The following ERBB4 variants were observed in gnomAD, a reference collection of about 807,000 sequenced individuals.
ERBB4 encodes the protein receptor tyrosine-protein kinase erbB-4.
Under a neutral mutation model 158.0 loss-of-function variants are expected in ERBB4, and 42 were observed. The ratio of observed to expected loss-of-function variants is 0.27; its 90% CI spans 0.21 to 0.34. The LOEUF is 0.34. ERBB4 is among the 10% of genes least tolerant of loss of function. ERBB4 has a pLI of 1.00. For missense variants in ERBB4, 1,333 were observed against 1,624.1 expected (o/e 0.82, Z 3.08); for synonymous variants, 583 against 558.7 (o/e 1.04, Z -0.61).
chr2:212,000,385 T>C (rs1244724925), intron 2 of ERBB4, among the ~76,000 whole-genome samples: 1 of 151,880 alleles, frequency 6.6e-6, no homozygotes, highest in Non-Finnish European at 1.5e-5. Flanking sequence ...TTTGCAATAT[T>C]AATTGGATGC....
At chr2:212,286,340 C>T (rs533612849) in intron 1 of ERBB4, among the ~76,000 whole-genome samples, 3 of 152,108 alleles carry the variant, frequency 2.0e-5, no homozygotes, top group East Asian at 1.9e-4. Context: ...GTATATTGAA[C>T]GAATTTGAAA....
At position 211,380,001 on chromosome 2, in the gene ERBB4, C is replaced by T. The variant is rs2062547922; in HGVS notation, c.*3614G>A. On this transcript the variant is annotated 3_prime_UTR_variant, in exon 28 of 28. Transcript: ENST00000342788. ...GCACAATCTTCATGCCATGTCTTTC[C>T]TTTAGAAGGTATTAGCTCACACACT... 8.7e-6 allele frequency: 2 copies of T among 230,014 alleles called. No individual in the cohort carries two copies. Among genetic ancestry groups the T allele is most frequent in the East Asian group, 1.2e-4 (2 of 16,272 alleles). 14.2% of individuals were successfully genotyped at this position (230,014 alleles called of 1,614,324 possible).
At chr2:212,443,198 C>T (rs905010884) in intron 1 of ERBB4, among the ~76,000 whole-genome samples, 7 of 152,196 alleles carry the variant, frequency 4.6e-5, no homozygotes, top group Non-Finnish European at 1.0e-4. Context: ...TCAATTCTCC[C>T]GCTTTGTGTC....
At chr2:211,454,380 C>T (rs1351524781) in intron 20 of ERBB4, among the ~76,000 whole-genome samples, 1 of 152,126 alleles carries the variant, frequency 6.6e-6, no homozygotes, top group Non-Finnish European at 1.5e-5. Context: ...TAAGACATCA[C>T]AAAATTGAAA....
intron 2 of ERBB4, among the ~76,000 whole-genome samples, chr2:211,962,751 A>C (rs2081212753): frequency 6.6e-6 from 1 of 152,144 alleles, no homozygotes; most frequent in Non-Finnish European, 1.5e-5. Context: ...ATACAAAAAT[A>C]CTTCATGACT....
chr2:212,134,676 CTTTTTTTTTT>C (rs869141215), intron 1 of ERBB4, among the ~76,000 whole-genome samples: 2 of 69,056 alleles, frequency 2.9e-5, no homozygotes, highest in Non-Finnish European at 5.1e-5. Flanking sequence ...TAAACACTTT[CTTTTTTTTTT>C]TTTTTTTTTT....
chr2:211,618,008 C>T (rs990620123), intron 19 of ERBB4, among the ~76,000 whole-genome samples: 8 of 151,888 alleles, frequency 5.3e-5, no homozygotes, highest in African/African-American at 1.5e-4. Context: ...ATTTGCTGAC[C>T]GGTTCAAATC....
chr2:211,956,384 G>A (rs955833098), intron 2 of ERBB4, among the ~76,000 whole-genome samples: 1 of 152,006 alleles, frequency 6.6e-6, no homozygotes, highest in African/African-American at 2.4e-5. Flanking sequence ...GAATCAAAGC[G>A]TCGTAATGTT....
At chr2:212,353,619 C>T (rs2089347201) in intron 1 of ERBB4, among the ~76,000 whole-genome samples, 1 of 148,286 alleles carries the variant, frequency 6.7e-6, no homozygotes, top group Non-Finnish European at 1.5e-5. Flanking sequence ...TCTGAAAGTG[C>T]TCACTAGAAC....
chr2:212,398,751 T>C lies in ERBB4; in HGVS notation c.82+139698A>G, dbSNP rs1432987839. Among the ~76,000 whole-genome samples, 5 of 152,266 alleles carry C rather than the reference T, an allele frequency of 3.3e-5. No homozygotes were observed. In the East Asian group the frequency reaches 9.6e-4, roughly 29 times the overall value. ...TTGATCAAGTTATGACAATAATTCA[T>C]GAAAGCATTTAATGAGGAATCTCAT... is the stretch of plus-strand genomic sequence containing the variant. On this transcript the variant is annotated intron_variant, in intron 1 of 27. Coordinates refer to ENST00000342788, the MANE Select transcript of ERBB4 (RefSeq NM_005235.3).
intron 1 of ERBB4, among the ~76,000 whole-genome samples, chr2:212,293,220 G>C (rs1353257563): frequency 1.3e-5 from 2 of 151,592 alleles, no homozygotes; most frequent in Non-Finnish European, 2.9e-5. Flanking sequence ...TTATGATGTG[G>C]GAGCTGCTCA....
At chr2:211,424,855 T>C (rs1183034422) in intron 22 of ERBB4, among the ~76,000 whole-genome samples, 1 of 152,088 alleles carries the variant, frequency 6.6e-6, no homozygotes, top group Non-Finnish European at 1.5e-5. Flanking sequence ...TATGAGAGCC[T>C]GAGAGAGGAA....
chr2:212,046,230 T>A (rs553088788), intron 2 of ERBB4, among the ~76,000 whole-genome samples: 1 of 151,970 alleles, frequency 6.6e-6, no homozygotes, highest in Admixed American at 6.6e-5. Flanking sequence ...CAAAAGGAAA[T>A]AGAATCACAG....
At chr2:211,437,128 G>A (rs769959820) in intron 20 of ERBB4, among the ~76,000 whole-genome samples, 1 of 152,080 alleles carries the variant, frequency 6.6e-6, no homozygotes, top group Non-Finnish European at 1.5e-5. Context: ...TGATTTTACC[G>A]AAACTATTCA....
intron 1 of ERBB4, among the ~76,000 whole-genome samples, chr2:212,324,907 C>T (rs1319319616): frequency 3.3e-5 from 5 of 150,330 alleles, no homozygotes; most frequent in Non-Finnish European, 7.5e-5. Flanking sequence ...TCTGGTATAA[C>T]ATTCATAAAG....
intron 4 of ERBB4, among the ~76,000 whole-genome samples, chr2:211,772,103 C>T (rs909136085): frequency 9.2e-5 from 14 of 152,128 alleles, no homozygotes; most frequent in Admixed American, 5.9e-4. Flanking sequence ...CTTACATCTA[C>T]TGAACCTGTA....
chr2:212,088,621 T>G (rs2078684561), intron 2 of ERBB4, among the ~76,000 whole-genome samples: 1 of 152,102 alleles, frequency 6.6e-6, no homozygotes, highest in Admixed American at 6.6e-5. Flanking sequence ...CACTTCTTTG[T>G]GGTTGATACA....
At chr2:211,798,076 A>G (rs963370671) in intron 3 of ERBB4, among the ~76,000 whole-genome samples, 4 of 151,964 alleles carry the variant, frequency 2.6e-5, no homozygotes, top group African/African-American at 9.7e-5. Flanking sequence ...CATCTGTATC[A>G]AGCAGCCGCC....
At chr2:211,638,905 AAG>A (rs2070461697) in intron 16 of ERBB4, among the ~76,000 whole-genome samples, 1 of 152,088 alleles carries the variant, frequency 6.6e-6, no homozygotes, top group Non-Finnish European at 1.5e-5. Flanking sequence ...AATTTTGGGG[AAG>A]TACATAAACT....
Sources: allele counts gnomAD v4.1 joint callset (sites outside exome capture counted in the v4.1 genomes callset), GRCh38; gene constraint gnomAD v4.1.1; transcripts MANE v1.5; gene names NCBI Gene and HGNC (gene_info 2026-07-23, HGNC 2026-07-21).